COQ5: variants seen among roughly 807,000 people sequenced by gnomAD.
The protein encoded by COQ5 is coenzyme Q5, methyltransferase.
A neutral mutation model predicts 40.5 loss-of-function variants in COQ5; 27 were observed. The observed-to-expected ratio is 0.67, with a 90% CI of 0.49 to 0.92. The LOEUF is 0.92. Among genes scored for constraint, COQ5 ranks in the 40% least tolerant of loss-of-function variants. The pLI is 0.00. For synonymous variants in COQ5, 141 were observed against 150.0 expected, an observed-to-expected ratio of 0.94 and a Z score of 0.44; for missense variants, 409 against 406.4, an observed-to-expected ratio of 1.01 and a Z score of -0.06.
At chr12:120,515,642 G>A (rs1028221040) in intron 3 of COQ5, among the ~76,000 whole-genome samples, 2 of 152,148 alleles carry the variant, frequency 1.3e-5, no homozygotes, top group African/African-American at 4.8e-5. Flanking sequence ...AAAGGGAGAG[G>A]AAGAAAGACT....
At chr12:120,513,892 T>C (rs1333380166) in intron 3 of COQ5, among the ~76,000 whole-genome samples, 1 of 152,136 alleles carries the variant, frequency 6.6e-6, no homozygotes, top group Non-Finnish European at 1.5e-5. Flanking sequence ...CATGATGTTT[T>C]TGCAAAGGTA....
chr12:120,522,809 C>A, intron 1 of COQ5: 1 of 673,088 alleles, frequency 1.5e-6, no homozygotes, highest in Middle Eastern at 4.2e-4. Context: ...TTTCCCAAGC[C>A]TGGGGGTGGG....
At chr12:120,514,397 A>G (rs1869281387) in intron 3 of COQ5, among the ~76,000 whole-genome samples, 1 of 152,062 alleles carries the variant, frequency 6.6e-6, no homozygotes, top group Non-Finnish European at 1.5e-5. Flanking sequence ...TGCCCCTCAC[A>G]GTGGCCATCT....
chr12:120,526,176 G>A (rs970958663), intron 1 of COQ5, among the ~76,000 whole-genome samples: 4 of 152,130 alleles, frequency 2.6e-5, no homozygotes, highest in Non-Finnish European at 5.9e-5. Context: ...CCAGACTTTA[G>A]GTGACTGGTC....
At chr12:120,509,403 C>T (rs1710146) in intron 4 of COQ5, among the ~76,000 whole-genome samples, 40,956 of 152,044 alleles carry the variant, frequency 0.27, 6,627 homozygotes, top group Admixed American at 0.39. Flanking sequence ...AAGAGCTGAA[C>T]GTTCCCCTTT....
At chr12:120,522,447 T>C (rs1869713363) in intron 1 of COQ5, 84 bp from the exon 2 acceptor site, 1 of 1,368,044 alleles carries the variant, frequency 7.3e-7, no homozygotes, top group African/African-American at 1.4e-5. Context: ...GAAGCTTTTT[T>C]CCCCTGAAAT....
At chr12:120,506,360 C>T (rs1240075998) in intron 4 of COQ5, among the ~76,000 whole-genome samples, 1 of 151,880 alleles carries the variant, frequency 6.6e-6, no homozygotes, top group Non-Finnish European at 1.5e-5. Flanking sequence ...TCCAACACTC[C>T]TGTTTAAAAT....
intron 1 of COQ5, among the ~76,000 whole-genome samples, chr12:120,526,698 A>ATTTTT (rs61584250): frequency 0.015 from 973 of 64,126 alleles, 159 homozygotes; most frequent in Non-Finnish European, 0.018. Flanking sequence ...ACTCTTGGCA[A>ATTTTT]TTTTTTTTTT....
chr12:120,517,555 G>A (rs1869437511), intron 2 of COQ5, among the ~76,000 whole-genome samples: 1 of 149,546 alleles, frequency 6.7e-6, no homozygotes, highest in African/African-American at 2.4e-5. Context: ...GGTGGTGGGT[G>A]CCTGTAGTCC....
intron 1 of COQ5, chr12:120,526,428 C>A: frequency 2.2e-6 from 1 of 454,798 alleles, no homozygotes; most frequent in Non-Finnish European, 4.4e-6. Context: ...AGACATACAG[C>A]CAGAGGAACT....
Position 120,526,784 on chromosome 12 carries a change from G to A in COQ5, c.202+2156C>T, listed in dbSNP as rs377297174. Reference sequence around the variant, plus strand: ...GGCTGGAGTGTAGTGGCAGGATCTCGGCTCACTGCAAGCTCCTCCTCCCGG... The same window carrying A: ...GGCTGGAGTGTAGTGGCAGGATCTCAGCTCACTGCAAGCTCCTCCTCCCGG... On this transcript the variant is annotated intron_variant, in intron 1 of 6. Transcript: ENST00000288532. The A allele has an allele frequency of 5.8e-4, 99 of 169,966 alleles. No individual in the cohort carries two copies. The East Asian group carries it at 0.012, about 20-fold the overall frequency. 10.5% of individuals were successfully genotyped at this position (169,966 alleles called of 1,614,324 possible).
intron 1 of COQ5, among the ~76,000 whole-genome samples, chr12:120,528,464 A>T (rs2137097559): frequency 6.6e-6 from 1 of 152,316 alleles, no homozygotes; most frequent in East Asian, 1.9e-4. Context: ...GTTGCCTGGC[A>T]CATCACAAAC....
chr12:120,504,046 A>G lies in COQ5; in HGVS notation c.806T>C (p.Val269Ala). Residue 269 changes from valine to alanine, a missense_variant, in exon 6 of 7, where the codon GTC becomes GCC. Val to Ala is a moderately conservative substitution (Grantham distance 64). Transcript: ENST00000288532. ...YDLYSFQVIP[V>A]LGEVIAGDWK... The stretch of plus-strand genomic sequence containing the variant: ...GTCTCCAGCGATGACCTCTCCCAGG[A>G]CAGGGATGACCTGGAAGCTATATAG... 6.2e-7 allele frequency: 1 copy of G among 1,611,736 alleles called. No individual in the cohort carries two copies. The highest frequency in any genetic ancestry group is 8.5e-7 in the Non-Finnish European group (1 of 1,177,822).
intron 3 of COQ5, among the ~76,000 whole-genome samples, chr12:120,512,345 G>A (rs1869171983): frequency 6.6e-6 from 1 of 152,336 alleles, no homozygotes; most frequent in African/African-American, 2.4e-5. Flanking sequence ...GCTCATGCCT[G>A]TAACCCCAGC....
rs540211786 is a variant in COQ5 at position 120,527,843 on chromosome 12, C to A, written c.202+1097G>T. ...TAAAAAAAAAATACAAAAAATTAGC[C>A]GGGCATGGTGGCGGGCCCCTGTAGT... On this transcript the variant is annotated intron_variant, in intron 1 of 6. Coordinates refer to ENST00000288532, the MANE Select transcript of COQ5 (RefSeq NM_032314.4). 2.0e-4 allele frequency among the ~76,000 whole-genome samples: 31 copies of A among 151,560 alleles called. 1 individual carries two copies. The highest frequency in any genetic ancestry group is 8.6e-4 in the Admixed American group (13 of 15,178).
intron 3 of COQ5, among the ~76,000 whole-genome samples, chr12:120,511,656 C>T (rs2137081916): frequency 6.6e-6 from 1 of 152,128 alleles, no homozygotes; most frequent in African/African-American, 2.4e-5. Context: ...GGTTGCTTGC[C>T]CAAGGTCACA....
At chr12:120,512,147 T>C (rs1037278583) in intron 3 of COQ5, among the ~76,000 whole-genome samples, 1 of 151,694 alleles carries the variant, frequency 6.6e-6, no homozygotes, top group Non-Finnish European at 1.5e-5. Flanking sequence ...GAGGTGGAGC[T>C]TGCAGTGAGC....
chr12:120,514,498 T>C (rs1869287563), intron 3 of COQ5, among the ~76,000 whole-genome samples: 1 of 151,904 alleles, frequency 6.6e-6, no homozygotes, highest in Non-Finnish European at 1.5e-5. Context: ...CCCAACACTT[T>C]GGGAGGAATG....
intron 1 of COQ5, among the ~76,000 whole-genome samples, chr12:120,528,438 A>C (rs1870067464): frequency 1.3e-5 from 2 of 152,284 alleles, no homozygotes; most frequent in South Asian, 4.1e-4. Flanking sequence ...ATGAGAATTG[A>C]AAATAATGTC....
Sources: gnomAD v4.1 joint callset for allele counts (sites outside exome capture counted in the v4.1 genomes callset) on GRCh38, gnomAD v4.1.1 for gene constraint, MANE v1.5 for transcripts, NCBI Gene and HGNC (gene_info 2026-07-23, HGNC 2026-07-21) for gene names.